Variants in SHOX observed in about 807,000 individuals in gnomAD.
The protein encoded by SHOX is SHOX homeobox, also known as short stature homeobox protein.
In SHOX, 12 loss-of-function variants were observed where a neutral mutation model predicts 29.6. That is an observed-to-expected ratio of 0.41 (90% CI 0.26 to 0.66). The LOEUF (loss-of-function observed/expected upper bound fraction) is 0.66. Ranked by LOEUF, SHOX falls within the 30% of genes least tolerant of loss-of-function variation. SHOX has a pLI of 0.35. For missense variants in SHOX, 499 were observed against 437.7 expected (o/e 1.14, Z -1.25); for synonymous variants, 214 against 200.6 (o/e 1.07, Z -0.57).
intron 1 of SHOX, among the ~76,000 whole-genome samples, chrX:624,909 C>T (rs868517372): frequency 0.014 from 533 of 38,808 alleles, 8 homozygotes; most frequent in East Asian, 0.035. Flanking sequence ...TTTCTCTCTT[C>T]CTTTCTTTCT....
chrX:638,709 A>G (rs1188639291), intron 2 of SHOX, among the ~76,000 whole-genome samples: 1 of 152,000 alleles, frequency 6.6e-6, no homozygotes, highest in Non-Finnish European at 1.5e-5. Context: ...GGCTGCTCCC[A>G]AACTCTGAGG....
rs2052640710 is a variant in SHOX at position 631,119 on chromosome X, C to A, written c.222C>A (p.His74Gln). Residue 74 changes from histidine (H) to glutamine (Q), a missense_variant, in exon 1 of 5, where the codon CAC becomes CAA. Physicochemically the swap from His to Gln is conservative, Grantham distance 24. Transcript: ENST00000686671. ...GCCCGGTGCATTTGTTCAAGGACCA[C>A]GTAGACAATGACAAGGAGAAACTGA... The part of the protein sequence containing the change: ...GHCPVHLFKD[H>Q]VDNDKEKLKE... 3 of 1,613,664 alleles carry A rather than the reference C, an allele frequency of 1.9e-6. No homozygotes were observed. Among genetic ancestry groups the A allele is most frequent in the Non-Finnish European group, 2.5e-6 (3 of 1,179,858 alleles).
At chrX:632,018 G>C (rs1315506888) in intron 1 of SHOX, 3 of 455,954 alleles carry the variant, frequency 6.6e-6, no homozygotes, top group Non-Finnish European at 1.3e-5. Context: ...GGGTCAGCTC[G>C]GTTCTGTTTC....
chrX:634,454 C>G (rs1015620611), intron 1 of SHOX, 164 bp from the exon 2 acceptor site: 20 of 211,712 alleles, frequency 9.4e-5, no homozygotes, highest in African/African-American at 4.2e-4. Context: ...GGGAAAGCAG[C>G]GAGTATCCTC....
chrX:641,320 G>C (rs1377726830), intron 4 of SHOX, among the ~76,000 whole-genome samples: 1 of 152,140 alleles, frequency 6.6e-6, no homozygotes, highest in Non-Finnish European at 1.5e-5. Flanking sequence ...CCAGCACTTT[G>C]GGAGGCTGAG....
chrX:632,690 T>C (rs1333861162), intron 1 of SHOX, among the ~76,000 whole-genome samples: 2 of 152,108 alleles, frequency 1.3e-5, no homozygotes, highest in Non-Finnish European at 2.9e-5. Flanking sequence ...TACAAAGCAG[T>C]CCCCGGTTTC....
At position 648,483 on chromosome X, in the gene SHOX, C is replaced by A. The variant is rs1231434981; in HGVS notation, c.*3847C>A. 6.6e-6 allele frequency among the ~76,000 whole-genome samples: 1 copy of A among 152,190 alleles called. No individual in the cohort carries two copies. Among genetic ancestry groups the A allele is most frequent in the Admixed American group, 6.5e-5 (1 of 15,274 alleles). Reference sequence around the variant, plus strand: ...CTCAGGTTGACCTGCCCGCTTTGTCCCTCGCAAAGTGCTGGGATTACAGGC... The same window carrying A: ...CTCAGGTTGACCTGCCCGCTTTGTCACTCGCAAAGTGCTGGGATTACAGGC... On this transcript the variant is annotated 3_prime_UTR_variant, in exon 5 of 5. Transcript: ENST00000686671.
chrX:631,202 G>T (rs755812313), intron 1 of SHOX, 28 bp downstream of exon 1: 1 of 1,611,956 alleles, frequency 6.2e-7, no homozygotes, highest in Non-Finnish European at 8.5e-7. Flanking sequence ...CCGGCTCCAG[G>T]GGGGCCCTCC....
exon 6 of SHOX, chrX:658,822 T>C (rs1231062571): frequency 2.4e-6 from 1 of 411,008 alleles, no homozygotes; most frequent in African/African-American, 2.2e-5. Flanking sequence ...TGGAGTATAA[T>C]GGCATGATCT....
At position 635,288 on chromosome X, in the gene SHOX, T is replaced by C. The variant is rs776119335; in HGVS notation, c.486+462T>C. 2.0e-5 allele frequency among the ~76,000 whole-genome samples: 3 copies of C among 152,064 alleles called. No homozygotes were observed. The East Asian group carries it at 5.8e-4, about 29-fold the overall frequency. On this transcript the variant is annotated intron_variant, in intron 2 of 4. Transcript: ENST00000686671. ...CAGATGCGTTTGATCCAGAGTGTTT[T>C]ACAAGATTTTTCATTTAAAAAAAAA...
chrX:657,148 C>T (rs1038478161), intron 5 of SHOX, among the ~76,000 whole-genome samples: 5 of 152,034 alleles, frequency 3.3e-5, no homozygotes, highest in African/African-American at 1.2e-4. Flanking sequence ...GGCAACAGAG[C>T]AAGCCTCAGC....
intron 4 of SHOX, 63 bp downstream of exon 4, chrX:641,150 T>A: frequency 1.3e-6 from 2 of 1,491,040 alleles, no homozygotes; most frequent in Non-Finnish European, 1.9e-6. Context: ...CCCTTTCCCC[T>A]ATTTGCTGCC....
At position 645,236 on chromosome X, in the gene SHOX, AG is replaced by A. The variant is rs1297845632; in HGVS notation, c.*602del. Reference sequence around the variant, plus strand: ...GGAAATAGTTCTCTGGCTGAGGCTGAGGACGTGAACCGCGGGCTTTGGAAAG... The same window carrying A: ...GGAAATAGTTCTCTGGCTGAGGCTGAGACGTGAACCGCGGGCTTTGGAAAG... On this transcript the variant is annotated 3_prime_UTR_variant, in exon 5 of 5. Transcript: ENST00000686671. 6.6e-6 allele frequency: 1 copy of A among 152,122 alleles called. No homozygotes were observed. Among genetic ancestry groups the A allele is most frequent in the Admixed American group, 6.5e-5 (1 of 15,276 alleles). The allele number at this position is 152,122 out of a possible 1,614,324, so 9.4% of individuals were successfully genotyped here.
intron 4 of SHOX, among the ~76,000 whole-genome samples, chrX:641,671 C>A (rs1382216546): frequency 5.3e-5 from 7 of 131,454 alleles, no homozygotes; most frequent in Admixed American, 1.6e-4. Context: ...CAGAGTGAGA[C>A]TCCAAGACTC....
chrX:643,437 G>C (rs1192979619), intron 4 of SHOX, among the ~76,000 whole-genome samples: 1 of 148,612 alleles, frequency 6.7e-6, no homozygotes, highest in African/African-American at 2.5e-5. Context: ...AGAGGCCTGG[G>C]GACCTGGTGA....
chrX:625,058 C>CCTTCCTTCCTCCCTCCTTCT (rs2052494217), intron 1 of SHOX, among the ~76,000 whole-genome samples: 3 of 75,258 alleles, frequency 4.0e-5, no homozygotes, highest in African/African-American at 2.0e-4. Flanking sequence ...TCTGTTCCTT[C>CCTTCCTTCCTCCCTCCTTCT]CTCCCTCCCT....
At chrX:657,441 G>GAA (rs2053163228) in intron 5 of SHOX, among the ~76,000 whole-genome samples, 2 of 152,116 alleles carry the variant, frequency 1.3e-5, no homozygotes, top group African/African-American at 4.8e-5. Flanking sequence ...AAAGGGAGTG[G>GAA]ATGTTATGGT....
rs2052954338 is a variant in SHOX at position 645,662 on chromosome X, A to T, written c.*1026A>T. The T allele has an allele frequency of 6.6e-6, 1 of 151,998 alleles. No homozygotes were observed. The highest frequency in any genetic ancestry group is 1.5e-5 in the Non-Finnish European group (1 of 68,006). 9.4% of individuals were successfully genotyped at this position (151,998 alleles called of 1,614,324 possible). Reference sequence around the variant, plus strand: ...CTGGCCACTGAGGGCCCTTTGCAAAAATCACGGGTGTAGAGATGGCCCTGG... The same window carrying T: ...CTGGCCACTGAGGGCCCTTTGCAAATATCACGGGTGTAGAGATGGCCCTGG... On this transcript the variant is annotated 3_prime_UTR_variant, in exon 5 of 5. Coordinates refer to ENST00000686671, the MANE Select transcript of SHOX (RefSeq NM_000451.4).
At chrX:659,393 A>G (rs1386240671) in exon 6 of SHOX, 1 of 152,116 alleles carries the variant, frequency 6.6e-6, no homozygotes, top group Non-Finnish European at 1.5e-5. Context: ...GGTCTCCAAA[A>G]AAAGGACTGT....
Sources: gnomAD v4.1 joint callset for allele counts (sites outside exome capture counted in the v4.1 genomes callset) on GRCh38, gnomAD v4.1.1 for gene constraint, MANE v1.5 for transcripts, NCBI Gene and HGNC (gene_info 2026-07-23, HGNC 2026-07-21) for gene names.